LIPC: variants seen among roughly 807,000 people sequenced by gnomAD.
The protein encoded by LIPC is lipase C, hepatic type, also known as hepatic triacylglycerol lipase.
A neutral mutation model predicts 50.7 loss-of-function variants in LIPC; 44 were observed. The observed-to-expected ratio is 0.87, with a 90% confidence interval of 0.68 to 1.11. The LOEUF is 1.11. Among genes scored for constraint, LIPC ranks in the 50% most tolerant of loss-of-function variants. The pLI, the probability that LIPC is intolerant of heterozygous loss-of-function variation, is 0.00. For synonymous variants in LIPC, 271 were observed against 256.4 expected (o/e 1.06, Z -0.54); for missense variants, 697 against 648.2 (o/e 1.08, Z -0.82).
chr15:58,509,973 G>A (rs2140855430), intron 1 of LIPC, among the ~76,000 whole-genome samples: 1 of 151,266 alleles, frequency 6.6e-6, no homozygotes, highest in South Asian at 2.1e-4. Context: ...AAAAAAAAGA[G>A]TTTAGAAAAA....
intron 1 of LIPC, among the ~76,000 whole-genome samples, chr15:58,438,931 G>A (rs1314977590): frequency 6.6e-6 from 1 of 152,164 alleles, no homozygotes; most frequent in Non-Finnish European, 1.5e-5. Context: ...GGGAGGCATG[G>A]GGAAAAAGTG....
chr15:58,527,740 C>G (rs1892835682), intron 1 of LIPC, among the ~76,000 whole-genome samples: 1 of 152,158 alleles, frequency 6.6e-6, no homozygotes, highest in Admixed American at 6.5e-5. Context: ...TTCACAATCC[C>G]TGACACATAG....
At chr15:58,548,849 T>C (rs548533642) in intron 6 of LIPC, among the ~76,000 whole-genome samples, 30 of 152,222 alleles carry the variant, frequency 2.0e-4, no homozygotes, top group Non-Finnish European at 3.7e-4. Flanking sequence ...TCCCCTAGAA[T>C]GTTAGATCTG....
intron 1 of LIPC, among the ~76,000 whole-genome samples, chr15:58,440,485 A>C (rs1262310088): frequency 2.6e-5 from 4 of 152,178 alleles, no homozygotes; most frequent in Non-Finnish European, 5.9e-5. Context: ...CATTTATTAA[A>C]CTGTCCGCTG....
intron 1 of LIPC, among the ~76,000 whole-genome samples, chr15:58,444,888 C>T (rs1236938863): frequency 2.6e-5 from 4 of 152,236 alleles, no homozygotes; most frequent in African/African-American, 9.6e-5. Flanking sequence ...ACAGTGGAAA[C>T]TGCAAATCTC....
chr15:58,438,767 T>A (rs1352229266), intron 1 of LIPC, among the ~76,000 whole-genome samples: 1 of 152,118 alleles, frequency 6.6e-6, no homozygotes, highest in Non-Finnish European at 1.5e-5. Flanking sequence ...TGCTTCGGAG[T>A]TCCAGGAGAG....
At chr15:58,449,002 A>C (rs1371102717) in intron 1 of LIPC, among the ~76,000 whole-genome samples, 1 of 152,152 alleles carries the variant, frequency 6.6e-6, no homozygotes, top group Non-Finnish European at 1.5e-5. Context: ...GAAAAGAAGC[A>C]GGAGAGACTT....
chr15:58,453,561 A>C (rs1264058055), intron 1 of LIPC, among the ~76,000 whole-genome samples: 4 of 152,104 alleles, frequency 2.6e-5, no homozygotes, highest in African/African-American at 2.4e-5. Context: ...AGAGCCCTGG[A>C]GTTTGAAGAA....
At chr15:58,516,013 A>C (rs1892475600) in intron 1 of LIPC, among the ~76,000 whole-genome samples, 1 of 152,256 alleles carries the variant, frequency 6.6e-6, no homozygotes, top group East Asian at 1.9e-4. Flanking sequence ...ATGTTAGTGC[A>C]CTGTGTTTCT....
At chr15:58,563,915 C>T (rs1894264874) in intron 8 of LIPC, 192 bp downstream of exon 8, 3 of 636,150 alleles carry the variant, frequency 4.7e-6, no homozygotes, top group Non-Finnish European at 8.6e-6. Flanking sequence ...CAAGGATTCA[C>T]ACCCAGGTCT....
At chr15:58,532,333 A>T (rs1892983988) in intron 1 of LIPC, among the ~76,000 whole-genome samples, 1 of 152,166 alleles carries the variant, frequency 6.6e-6, no homozygotes, top group Admixed American at 6.5e-5. Context: ...CCAGCTACAG[A>T]TCATTGGCCT....
At position 58,563,423 on chromosome 15, in the gene LIPC, A is replaced by T. The variant is rs576727737; in HGVS notation, c.1170-82A>T. 1.2e-5 allele frequency: 14 copies of T among 1,176,250 alleles called. No homozygotes were observed. In the East Asian group the frequency reaches 3.1e-4, roughly 26 times the overall value. 72.9% of individuals were successfully genotyped at this position (1,176,250 alleles called of 1,614,324 possible). Reference sequence around the variant, plus strand: ...AAAATCCCAAGTCATTCAGGGAAACACAACACATCCTGAATGTGTGTGACC... The same window carrying T: ...AAAATCCCAAGTCATTCAGGGAAACTCAACACATCCTGAATGTGTGTGACC... On this transcript the variant is annotated intron_variant, in intron 7 of 8. Transcript: ENST00000299022.
At chr15:58,558,906 G>T (rs889910944) in intron 6 of LIPC, among the ~76,000 whole-genome samples, 7 of 152,202 alleles carry the variant, frequency 4.6e-5, no homozygotes, top group Non-Finnish European at 8.8e-5. Context: ...GTGCTTCAGA[G>T]ATAACCCCTT....
chr15:58,546,139 TG>T (rs1893522151), intron 5 of LIPC, among the ~76,000 whole-genome samples, 164 bp downstream of exon 5: 1 of 151,934 alleles, frequency 6.6e-6, no homozygotes, highest in South Asian at 2.1e-4. Flanking sequence ...AATGCTGGAG[TG>T]GGCAAGGGTG....
chr15:58,475,931 T>C (rs1347632769), intron 1 of LIPC, among the ~76,000 whole-genome samples: 8 of 152,174 alleles, frequency 5.3e-5, no homozygotes, highest in Non-Finnish European at 1.2e-4. Flanking sequence ...AGTTAATTAA[T>C]GGAAAGCAGG....
intron 1 of LIPC, among the ~76,000 whole-genome samples, chr15:58,455,406 T>C (rs921139096): frequency 6.6e-6 from 1 of 152,198 alleles, no homozygotes; most frequent in Non-Finnish European, 1.5e-5. Flanking sequence ...CATGGATTGC[T>C]AGCCCCTCAT....
chr15:58,451,253 C>T (rs978859332), intron 1 of LIPC, among the ~76,000 whole-genome samples: 2 of 151,918 alleles, frequency 1.3e-5, no homozygotes, highest in Admixed American at 6.5e-5. Context: ...TTTGGAGATA[C>T]GAAAAAGGCA....
chr15:58,490,281 C>T (rs1214876346), intron 1 of LIPC, among the ~76,000 whole-genome samples: 2 of 152,188 alleles, frequency 1.3e-5, no homozygotes, highest in Non-Finnish European at 2.9e-5. Flanking sequence ...GCCTACTTAA[C>T]TTCTTCTAAG....
chr15:58,452,960 C>T (rs1003417893), intron 1 of LIPC, among the ~76,000 whole-genome samples: 7 of 152,170 alleles, frequency 4.6e-5, no homozygotes, highest in Non-Finnish European at 1.0e-4. Flanking sequence ...AGGGCCCTAT[C>T]GGTGTGAGCC....
Sources: allele counts gnomAD v4.1 joint callset (sites outside exome capture counted in the v4.1 genomes callset), GRCh38; gene constraint gnomAD v4.1.1; transcripts MANE v1.5; gene names NCBI Gene and HGNC (gene_info 2026-07-23, HGNC 2026-07-21).